VIPAS39: variants seen among roughly 807,000 people sequenced by gnomAD.
The protein encoded by VIPAS39 is VPS33B interacting protein, apical-basolateral polarity regulator, spe-39 homolog, also known as spermatogenesis-defective protein 39 homolog.
Under a neutral mutation model 84.7 loss-of-function variants are expected in VIPAS39, and 63 were observed. The ratio of observed to expected loss-of-function variants is 0.74; its 90% CI spans 0.61 to 0.92. The LOEUF (loss-of-function observed/expected upper bound fraction) is 0.92. Among genes scored for constraint, VIPAS39 ranks in the 40% least tolerant of loss-of-function variants. VIPAS39 has a pLI of 0.00. For synonymous variants in VIPAS39, 192 were observed against 216.5 expected (o/e 0.89, Z 0.99); for missense variants, 499 against 604.5 (o/e 0.83, Z 1.83).
In VIPAS39 at chr14:77,451,196, A is replaced by G. The variant is rs549306106; in HGVS notation, c.334T>C (p.Phe112Leu). ...AAGCATCTCTCTTTACCTCTAAAAA[A>G]GCTGCTCAGGGAGTAGGTAGAAGTA... is the stretch of plus-strand genomic sequence containing the variant. ...KPTSTYSLSS[F>L]FRGRTRPGSF... is the part of the protein sequence containing the mutation. The change falls in exon 4 of 20, where the codon TTT becomes CTT. Residue 112 changes from phenylalanine (F) to leucine (L), a missense_variant. Physicochemically the swap from Phe to Leu is conservative, Grantham distance 22. Transcript: ENST00000557658. 3.8e-5 allele frequency: 61 copies of G among 1,614,236 alleles called. No individual in the cohort carries two copies. The highest frequency in any genetic ancestry group is 3.1e-5 in the Non-Finnish European group (37 of 1,180,038).
intron 8 of VIPAS39, among the ~76,000 whole-genome samples, chr14:77,443,566 T>C (rs975515509): frequency 6.6e-6 from 1 of 151,980 alleles, no homozygotes; most frequent in Non-Finnish European, 1.5e-5. Flanking sequence ...TTGGGCAACA[T>C]AGCAAGACCC....
At chr14:77,429,481 C>T (rs1373954407) in intron 17 of VIPAS39, among the ~76,000 whole-genome samples, 200 bp downstream of exon 17, 1 of 147,042 alleles carries the variant, frequency 6.8e-6, no homozygotes, top group Non-Finnish European at 1.5e-5. Context: ...TCAGAGAGGA[C>T]AGTTTGGAAT....
chr14:77,449,204 T>A, intron 6 of VIPAS39, 89 bp downstream of exon 6: 1 of 1,409,684 alleles, frequency 7.1e-7, no homozygotes, highest in Non-Finnish European at 1.0e-6. Flanking sequence ...AAATATCTAC[T>A]CAAATAGTTG....
chr14:77,442,542 C>A lies in VIPAS39; in HGVS notation c.734+18G>T. 1 of 1,596,486 alleles carries A rather than the reference C, an allele frequency of 6.3e-7. No homozygotes were observed. Among genetic ancestry groups the A allele is most frequent in the Non-Finnish European group, 8.6e-7 (1 of 1,164,076 alleles). On this transcript the variant is annotated intron_variant, in intron 10 of 19. Transcript: ENST00000557658. ...CAAGTACTTACTAAACTTTATAGAC[C>A]AGATGATCAGTTCTTACCTGAAGAG... is the stretch of plus-strand genomic sequence containing the variant.
At chr14:77,439,699 G>A (rs6574371) in intron 11 of VIPAS39, among the ~76,000 whole-genome samples, 24,052 of 151,828 alleles carry the variant, frequency 0.16, 2,007 homozygotes, top group Middle Eastern at 0.22. Flanking sequence ...CCTAAGGCTT[G>A]AGCCAGGAAT....
rs147607318 is a variant in VIPAS39 at position 77,439,692 on chromosome 14, A to G, written c.762+1374T>C. On this transcript the variant is annotated intron_variant, in intron 11 of 19. Transcript: ENST00000557658. The stretch of plus-strand genomic sequence containing the variant: ...TGTAGTCCCAGCTACTTGGGAGCCT[A>G]AGGCTTGAGCCAGGAATTGAGAGTC... Among the ~76,000 whole-genome samples, 1,319 of 152,168 alleles carry G rather than the reference A, an allele frequency of 8.7e-3. 18 individuals carry two copies. Among genetic ancestry groups the G allele is most frequent in the South Asian group, 0.036 (172 of 4,806 alleles).
chr14:77,455,566 A>G (rs1016460106), intron 1 of VIPAS39, among the ~76,000 whole-genome samples: 5 of 152,216 alleles, frequency 3.3e-5, no homozygotes, highest in Non-Finnish European at 7.3e-5. Context: ...TAAGCCAAGG[A>G]CTGGGTATAA....
intron 14 of VIPAS39, 76 bp downstream of exon 14, chr14:77,435,183 C>G (rs1052888781): frequency 1.2e-6 from 2 of 1,601,572 alleles, no homozygotes; most frequent in African/African-American, 2.7e-5. Context: ...TAATAGAGTA[C>G]ATAAAAGTAC....
intron 10 of VIPAS39, 75 bp from the exon 11 acceptor site, chr14:77,441,168 C>A: frequency 1.3e-6 from 2 of 1,546,942 alleles, no homozygotes; most frequent in East Asian, 2.3e-5. Flanking sequence ...AAATCGAGTG[C>A]CTCCTCTAGG....
intron 5 of VIPAS39, 54 bp downstream of exon 5, chr14:77,449,660 T>G: frequency 6.2e-7 from 1 of 1,608,546 alleles, no homozygotes; most frequent in African/African-American, 1.3e-5. Flanking sequence ...CTCCCCAGAC[T>G]GTACCAGATC....
chr14:77,445,715 G>GT (rs2078777868), intron 7 of VIPAS39, among the ~76,000 whole-genome samples: 1 of 152,146 alleles, frequency 6.6e-6, no homozygotes, highest in Non-Finnish European at 1.5e-5. Context: ...AAGGCAGGCA[G>GT]ATCACCTGAG....
chr14:77,446,558 C>T (rs2078793595), intron 7 of VIPAS39, among the ~76,000 whole-genome samples: 1 of 152,196 alleles, frequency 6.6e-6, no homozygotes, highest in African/African-American at 2.4e-5. Context: ...CAATAAAAAT[C>T]TCAACAACTC....
chr14:77,453,051 C>T lies in VIPAS39; in HGVS notation c.196+248G>A, dbSNP rs112060380. Among the ~76,000 whole-genome samples, 19 of 152,168 alleles carry T rather than the reference C, an allele frequency of 1.2e-4. 1 individual carries two copies. The highest frequency in any genetic ancestry group is 4.1e-4 in the African/African-American group (17 of 41,514). ...GGAGTATGTCATTTTAACAAGCACCCCAAATGAGAATGAAATAGCCAGCTA... is the reference window on the plus strand; with the variant it reads ...GGAGTATGTCATTTTAACAAGCACCTCAAATGAGAATGAAATAGCCAGCTA... On this transcript the variant is annotated intron_variant, in intron 3 of 19. Transcript: ENST00000557658.
intron 1 of VIPAS39, among the ~76,000 whole-genome samples, chr14:77,455,105 AAAG>A (rs1469701717): frequency 2.6e-5 from 4 of 152,234 alleles, no homozygotes; most frequent in East Asian, 1.9e-4. Flanking sequence ...GCAAGTATAT[AAAG>A]AAGTAGTCAA....
At chr14:77,428,265 T>A in intron 19 of VIPAS39, 105 bp downstream of exon 19, 1 of 1,012,024 alleles carries the variant, frequency 9.9e-7, no homozygotes, top group South Asian at 1.4e-5. Flanking sequence ...TCCATGTGGC[T>A]TAGCCAACTG....
intron 1 of VIPAS39, chr14:77,457,016 CTTTA>C: frequency 7.9e-7 from 1 of 1,261,260 alleles, no homozygotes; most frequent in East Asian, 3.5e-5. Flanking sequence ...AGAACAGGAA[CTTTA>C]CAAAGGAAAA....
At position 77,449,796 on chromosome 14, in the gene VIPAS39, T is replaced by A. The variant is rs1335992716; in HGVS notation, c.344-44A>T. Reference sequence around the variant, plus strand: ...AGAGGGAAAAGGTCAACAGTTTCAATCAGAGCCATCCAGGCTTGGTTAAAG... The same window carrying A: ...AGAGGGAAAAGGTCAACAGTTTCAAACAGAGCCATCCAGGCTTGGTTAAAG... On this transcript the variant is annotated intron_variant, in intron 4 of 19. Transcript: ENST00000557658. The A allele has an allele frequency of 5.6e-6, 9 of 1,611,062 alleles. No homozygotes were observed. In the Admixed American group the frequency reaches 6.7e-5, roughly 12 times the overall value.
At chr14:77,446,096 A>C (rs2078785017) in intron 7 of VIPAS39, among the ~76,000 whole-genome samples, 1 of 152,054 alleles carries the variant, frequency 6.6e-6, no homozygotes, top group East Asian at 1.9e-4. Context: ...GATGAAGTCC[A>C]TTTTATCAAT....
chr14:77,444,089 C>G (rs1170322881), intron 8 of VIPAS39, among the ~76,000 whole-genome samples, 160 bp downstream of exon 8: 2 of 151,722 alleles, frequency 1.3e-5, no homozygotes, highest in Non-Finnish European at 2.9e-5. Flanking sequence ...GTGGCACCAG[C>G]TAAGCCCTTA....
Sources: allele counts gnomAD v4.1 joint callset (sites outside exome capture counted in the v4.1 genomes callset), GRCh38; gene constraint gnomAD v4.1.1; transcripts MANE v1.5; gene names NCBI Gene and HGNC (gene_info 2026-07-23, HGNC 2026-07-21).